TMEM263: variants seen among roughly 807,000 people sequenced by gnomAD.
The protein encoded by TMEM263 is transmembrane protein 263, also known as UPF0444 transmembrane protein C12orf23.
TMEM263 carries 5 observed loss-of-function variants against 8.6 expected under a neutral mutation model. That is an observed-to-expected ratio of 0.58 (90% confidence interval 0.31 to 1.23). TMEM263 has a LOEUF of 1.23. Ranked by LOEUF, TMEM263 falls within the 50% of genes most tolerant of loss-of-function variation. TMEM263 has a pLI of 0.07. For missense variants in TMEM263, 104 were observed against 138.8 expected (o/e 0.75, Z 1.26); for synonymous variants, 50 against 47.9 (o/e 1.04, Z -0.18).
chr12:106,958,392 GTGTT>G (rs1240287349), intron 2 of TMEM263, among the ~76,000 whole-genome samples: 3 of 152,244 alleles, frequency 2.0e-5, no homozygotes, highest in Middle Eastern at 3.4e-3. Flanking sequence ...TTCCCAAGAG[GTGTT>G]TGTTTACTTA....
At chr12:106,961,222 CAATT>C (rs1951772479) in intron 2 of TMEM263, among the ~76,000 whole-genome samples, 1 of 105,490 alleles carries the variant, frequency 9.5e-6, no homozygotes, top group African/African-American at 3.5e-5. Context: ...CGTGCCCAGT[CAATT>C]TTTTTTTTTT....
At chr12:106,968,268 G>A (rs965473387) in intron 3 of TMEM263, among the ~76,000 whole-genome samples, 1 of 152,056 alleles carries the variant, frequency 6.6e-6, no homozygotes, top group African/African-American at 2.4e-5. Flanking sequence ...TAGCAACAAA[G>A]GGTTTACACT....
chr12:106,960,929 T>A (rs889665426), intron 2 of TMEM263, among the ~76,000 whole-genome samples: 37 of 152,346 alleles, frequency 2.4e-4, no homozygotes, highest in African/African-American at 8.4e-4. Flanking sequence ...TTCTTTTTTT[T>A]AAACCCCAAA....
intron 3 of TMEM263, among the ~76,000 whole-genome samples, chr12:106,968,715 A>C (rs1951877549): frequency 6.6e-6 from 1 of 152,170 alleles, no homozygotes; most frequent in African/African-American, 2.4e-5. Context: ...CAGCTGCATT[A>C]ATTATTTATC....
intron 3 of TMEM263, among the ~76,000 whole-genome samples, chr12:106,969,913 G>A (rs1383455635): frequency 6.6e-6 from 1 of 150,620 alleles, no homozygotes; most frequent in African/African-American, 2.4e-5. Context: ...TCATGACTTA[G>A]AGCTTAATTT....
chr12:106,967,256 A>T, intron 3 of TMEM263, 76 bp downstream of exon 3: 1 of 965,006 alleles, frequency 1.0e-6, no homozygotes, highest in Admixed American at 2.8e-5. Flanking sequence ...TTTTTTACTT[A>T]TTTTATTTTA....
chr12:106,965,150 C>T lies in TMEM263; in HGVS notation c.-6-1961C>T, dbSNP rs150506937. Among the ~76,000 whole-genome samples, 762 of 152,296 alleles carry T rather than the reference C, an allele frequency of 5.0e-3. 6 individuals are homozygous for T. Among genetic ancestry groups the T allele is most frequent in the African/African-American group, 0.017 (714 of 41,562 alleles). ...CCCTGCCACACTTTACTGGCTGTTCCTTCTTGCTGATCCAGGTAAGCTCCC... is the reference window on the plus strand; with the variant it reads ...CCCTGCCACACTTTACTGGCTGTTCTTTCTTGCTGATCCAGGTAAGCTCCC... On this transcript the variant is annotated intron_variant, in intron 2 of 3. Coordinates refer to ENST00000280756, the MANE Select transcript of TMEM263 (RefSeq NM_152261.4).
chr12:106,966,363 C>G lies in TMEM263; in HGVS notation c.-6-748C>G, dbSNP rs560255145. On this transcript the variant is annotated intron_variant, in intron 2 of 3. Coordinates refer to ENST00000280756, the MANE Select transcript of TMEM263 (RefSeq NM_152261.4). ...CATAGTGTTCCATGATGTATATGCA[C>G]CACATTTTCTTTATCCAGTCCACTG... Among the ~76,000 whole-genome samples the G allele has an allele frequency of 8.5e-5, 13 of 152,346 alleles. No individual in the cohort carries two copies. The South Asian group carries it at 2.5e-3, about 29-fold the overall frequency.
intron 3 of TMEM263, among the ~76,000 whole-genome samples, chr12:106,968,090 A>T (rs1951869569): frequency 1.3e-5 from 2 of 152,146 alleles, no homozygotes; most frequent in Admixed American, 1.3e-4. Context: ...GACTGTTACT[A>T]AACTTAATCC....
At chr12:106,971,059 A>C (rs1437982156) in intron 3 of TMEM263, 46 bp from the exon 4 acceptor site, 2 of 1,593,294 alleles carry the variant, frequency 1.3e-6, no homozygotes, top group Admixed American at 3.4e-5. Flanking sequence ...TCTTTTAAAG[A>C]CTTGTGACTT....
chr12:106,963,861 A>T (rs1329187650), intron 2 of TMEM263, among the ~76,000 whole-genome samples: 1 of 152,182 alleles, frequency 6.6e-6, no homozygotes, highest in Non-Finnish European at 1.5e-5. Context: ...GTTGGTAGGG[A>T]TTTATGGGGT....
intron 2 of TMEM263, among the ~76,000 whole-genome samples, chr12:106,964,255 C>T (rs959572770): frequency 6.6e-6 from 1 of 152,124 alleles, no homozygotes; most frequent in African/African-American, 2.4e-5. Flanking sequence ...AGGGTTAAGG[C>T]TAGAATTGTC....
chr12:106,967,896 G>T (rs965555141), intron 3 of TMEM263, among the ~76,000 whole-genome samples: 1 of 152,068 alleles, frequency 6.6e-6, no homozygotes, highest in African/African-American at 2.4e-5. Context: ...TATTGTAATT[G>T]GTACCTCTCC....
intron 1 of TMEM263, 132 bp from the exon 2 acceptor site, chr12:106,956,950 C>T: frequency 2.4e-6 from 1 of 423,336 alleles, no homozygotes; most frequent in Middle Eastern, 1.1e-3. Flanking sequence ...AGGGGCCACC[C>T]GGAAGGGTTT....
At position 106,964,073 on chromosome 12, in the gene TMEM263, T is replaced by C. The variant is rs572747193; in HGVS notation, c.-6-3038T>C. Among the ~76,000 whole-genome samples the C allele has an allele frequency of 2.0e-5, 3 of 152,310 alleles. No individual in the cohort carries two copies. In the South Asian group the frequency reaches 6.2e-4, roughly 32 times the overall value. On this transcript the variant is annotated intron_variant, in intron 2 of 3. Coordinates refer to ENST00000280756, the MANE Select transcript of TMEM263 (RefSeq NM_152261.4). ...TGTGTATGGTATTAATATATAGTACTGAGATTACCATGATGAACAAATTGG... is the reference window on the plus strand; with the variant it reads ...TGTGTATGGTATTAATATATAGTACCGAGATTACCATGATGAACAAATTGG...
At chr12:106,962,335 A>G (rs983441118) in intron 2 of TMEM263, among the ~76,000 whole-genome samples, 1 of 152,148 alleles carries the variant, frequency 6.6e-6, no homozygotes, top group Admixed American at 6.5e-5. Flanking sequence ...GTCTCTAAAT[A>G]TAGCATTAGC....
intron 2 of TMEM263, among the ~76,000 whole-genome samples, chr12:106,961,331 C>T (rs985585225): frequency 4.1e-5 from 6 of 146,784 alleles, no homozygotes; most frequent in South Asian, 2.2e-4. Context: ...TAACCTCAAC[C>T]TCCCAAAGTG....
At chr12:106,964,737 G>C (rs1034159463) in intron 2 of TMEM263, among the ~76,000 whole-genome samples, 8 of 152,154 alleles carry the variant, frequency 5.3e-5, no homozygotes, top group Admixed American at 5.2e-4. Context: ...ACTCAGTAGG[G>C]GTGCAGAGAA....
Position 106,971,683 on chromosome 12 carries a change from A to G in TMEM263, c.*292A>G. 1 of 256,820 alleles carries G rather than the reference A, an allele frequency of 3.9e-6. No homozygotes were observed. The highest frequency in any genetic ancestry group is 1.2e-4 in the South Asian group (1 of 8,478). The allele number at this position is 256,820 out of a possible 1,614,324, so 15.9% of individuals were successfully genotyped here. A position where few individuals can be genotyped will look rare whatever the true frequency, so the allele number is the denominator to read the frequency against. On this transcript the variant is annotated 3_prime_UTR_variant, in exon 4 of 4. Transcript: ENST00000280756. ...TTACTATAAGTCTTTCAGTTTGACT[A>G]AAAATGTGAAAGTTGAATTTAGTAG...
Sources: allele counts gnomAD v4.1 joint callset (sites outside exome capture counted in the v4.1 genomes callset), GRCh38; gene constraint gnomAD v4.1.1; transcripts MANE v1.5; gene names NCBI Gene and HGNC (gene_info 2026-07-23, HGNC 2026-07-21).